FGF14: variants seen among roughly 807,000 people sequenced by gnomAD.
FGF14 encodes the protein fibroblast growth factor homologous factor 4.
A neutral mutation model predicts 25.5 loss-of-function variants in FGF14; 5 were observed. The ratio of observed to expected loss-of-function variants is 0.20; its 90% CI spans 0.10 to 0.41. The LOEUF is 0.41. Ranked by LOEUF, FGF14 falls within the 10% of genes least tolerant of loss-of-function variation. The pLI, the probability that FGF14 is intolerant of heterozygous loss-of-function variation, is 1.00. For missense variants in FGF14, 222 were observed against 320.1 expected (o/e 0.69, Z 2.34); for synonymous variants, 138 against 118.3 (o/e 1.17, Z -1.08).
At chr13:102,027,666 T>C (rs577738671) in intron 1 of FGF14, among the ~76,000 whole-genome samples, 24 of 152,186 alleles carry the variant, frequency 1.6e-4, no homozygotes, top group African/African-American at 5.5e-4. Context: ...AAGCTATCCA[T>C]CCTTTGCTTG....
chr13:101,958,435 T>G (rs1248399043), intron 1 of FGF14, among the ~76,000 whole-genome samples: 4 of 152,214 alleles, frequency 2.6e-5, no homozygotes, highest in Non-Finnish European at 5.9e-5. Flanking sequence ...CCAAAGCCCT[T>G]GCACATCCTC....
chr13:102,257,706 T>C (rs1014813990), intron 1 of FGF14, among the ~76,000 whole-genome samples: 1 of 152,114 alleles, frequency 6.6e-6, no homozygotes, highest in African/African-American at 2.4e-5. Flanking sequence ...TTTCCATCAA[T>C]ACTTCCATTT....
intron 1 of FGF14, among the ~76,000 whole-genome samples, chr13:102,305,576 C>T (rs561653138): frequency 2.6e-5 from 4 of 152,276 alleles, no homozygotes; most frequent in African/African-American, 9.6e-5. Flanking sequence ...ATTGTAATTA[C>T]ATCAGTATTT....
chr13:101,905,527 G>C (rs983291167), intron 1 of FGF14, among the ~76,000 whole-genome samples: 18 of 151,562 alleles, frequency 1.2e-4, no homozygotes, highest in Non-Finnish European at 2.5e-4. Context: ...ATGGGGAGGG[G>C]GACATCACAC....
At chr13:102,075,835 T>C (rs1437462192) in intron 1 of FGF14, among the ~76,000 whole-genome samples, 17 of 152,192 alleles carry the variant, frequency 1.1e-4, no homozygotes, top group Admixed American at 1.1e-3. Flanking sequence ...CCTGACCCTG[T>C]ATATGCCTAG....
chr13:102,118,796 A>G (rs895718705), intron 1 of FGF14, among the ~76,000 whole-genome samples: 1 of 152,206 alleles, frequency 6.6e-6, no homozygotes, highest in African/African-American at 2.4e-5. Context: ...TTGTTTACAA[A>G]GCATAAATAA....
chr13:101,767,404 T>C (rs1437580092), intron 3 of FGF14, among the ~76,000 whole-genome samples: 1 of 152,036 alleles, frequency 6.6e-6, no homozygotes, highest in Non-Finnish European at 1.5e-5. Context: ...GCAGCACAGG[T>C]TGAAAGCTAC....
chr13:102,380,842 A>T (rs761693775), intron 1 of FGF14, among the ~76,000 whole-genome samples: 3 of 152,162 alleles, frequency 2.0e-5, no homozygotes, highest in African/African-American at 7.2e-5. Context: ...AAACACAGAT[A>T]AAGAGTCAGA....
intron 1 of FGF14, among the ~76,000 whole-genome samples, chr13:102,070,558 A>G (rs533790627): frequency 1.3e-5 from 2 of 152,362 alleles, no homozygotes; most frequent in Admixed American, 1.3e-4. Context: ...GCAAAACAGT[A>G]TATCAAAGAG....
At chr13:102,155,016 G>A (rs1236895160) in intron 1 of FGF14, among the ~76,000 whole-genome samples, 1 of 152,160 alleles carries the variant, frequency 6.6e-6, no homozygotes, top group African/African-American at 2.4e-5. Flanking sequence ...CATAAAGCCA[G>A]TCCTTAGAGA....
intron 3 of FGF14, among the ~76,000 whole-genome samples, chr13:101,827,727 TATGAAACATTAC>T (rs1340397501): frequency 6.6e-6 from 1 of 151,898 alleles, no homozygotes; most frequent in Non-Finnish European, 1.5e-5. Flanking sequence ...AAACCACAAT[TATGAAACATTAC>T]ATTAATAATT....
At chr13:102,299,684 T>A (rs1343172925) in intron 1 of FGF14, 1 of 152,094 alleles carries the variant, frequency 6.6e-6, no homozygotes, top group Non-Finnish European at 1.5e-5. Flanking sequence ...GGAAGCGAGG[T>A]CTCAGGATAG....
intron 1 of FGF14, among the ~76,000 whole-genome samples, chr13:101,957,911 TGAA>T (rs1289624768): frequency 1.3e-4 from 20 of 151,516 alleles, no homozygotes; most frequent in Non-Finnish European, 2.5e-4. Flanking sequence ...AAAAAATTGG[TGAA>T]GAACATGGAA....
chr13:102,173,158 A>T (rs1180120152), intron 1 of FGF14, among the ~76,000 whole-genome samples: 1 of 152,138 alleles, frequency 6.6e-6, no homozygotes, highest in Non-Finnish European at 1.5e-5. Context: ...AAAATAATAA[A>T]CTGACTTAAA....
intron 1 of FGF14, among the ~76,000 whole-genome samples, chr13:101,993,116 A>G (rs558249171): frequency 1.2e-4 from 18 of 151,948 alleles, no homozygotes; most frequent in African/African-American, 4.1e-4. Flanking sequence ...AAATGATGAT[A>G]AGGATTACAC....
intron 1 of FGF14, among the ~76,000 whole-genome samples, chr13:102,184,866 C>A (rs60230852): frequency 6.6e-6 from 1 of 152,106 alleles, no homozygotes; most frequent in Admixed American, 6.6e-5. Flanking sequence ...AAAATGCCCA[C>A]AAAAGTTATG....
At chr13:102,296,225 CT>C (rs1203070673) in intron 1 of FGF14, among the ~76,000 whole-genome samples, 2 of 152,118 alleles carry the variant, frequency 1.3e-5, no homozygotes, top group African/African-American at 4.8e-5. Flanking sequence ...TTCTAGAGAT[CT>C]CTTTGTGTTC....
At chr13:102,358,983 G>A (rs1045139819) in intron 1 of FGF14, among the ~76,000 whole-genome samples, 2 of 152,178 alleles carry the variant, frequency 1.3e-5, no homozygotes, top group Non-Finnish European at 1.5e-5. Context: ...GGAATACTAT[G>A]CAGCCATAAA....
intron 1 of FGF14, among the ~76,000 whole-genome samples, chr13:101,981,526 A>G (rs1294424089): frequency 1.3e-5 from 2 of 152,190 alleles, no homozygotes; most frequent in Non-Finnish European, 1.5e-5. Flanking sequence ...TGTGGCAGAC[A>G]TGGAAAAGTT....
Sources: gnomAD v4.1 joint callset for allele counts (sites outside exome capture counted in the v4.1 genomes callset) on GRCh38, gnomAD v4.1.1 for gene constraint, MANE v1.5 for transcripts, NCBI Gene and HGNC (gene_info 2026-07-23, HGNC 2026-07-21) for gene names.